RNF145: variants seen among roughly 807,000 people sequenced by gnomAD.
RNF145 encodes ring finger protein 145.
In RNF145, 12 loss-of-function variants were observed where a neutral mutation model predicts 57.3. That is an observed-to-expected ratio of 0.21 (90% CI 0.13 to 0.34). The LOEUF is 0.34. Among genes scored for constraint, RNF145 ranks in the 10% least tolerant of loss-of-function variants. RNF145 has a pLI of 1.00. For synonymous variants in RNF145, 262 were observed against 288.3 expected (o/e 0.91, Z 0.92); for missense variants, 429 against 799.0 (o/e 0.54, Z 5.58).
At chr5:159,198,283 A>T (rs2113224079) in intron 2 of RNF145, among the ~76,000 whole-genome samples, 1 of 151,858 alleles carries the variant, frequency 6.6e-6, no homozygotes, top group African/African-American at 2.4e-5. Context: ...AAATAAAAGA[A>T]ATAATGACCT....
At chr5:159,200,911 A>G (rs1009500694) in intron 2 of RNF145, among the ~76,000 whole-genome samples, 1 of 152,250 alleles carries the variant, frequency 6.6e-6, no homozygotes, top group Non-Finnish European at 1.5e-5. Flanking sequence ...CATTGAGTTA[A>G]AAAAATCAAT....
At position 159,202,979 on chromosome 5, in the gene RNF145, T is replaced by C. The variant is rs117577559; in HGVS notation, c.184+455A>G. Among the ~76,000 whole-genome samples, 27 of 152,216 alleles carry C rather than the reference T, an allele frequency of 1.8e-4. No individual in the cohort carries two copies. The East Asian group carries it at 4.8e-3, about 27-fold the overall frequency. ...TTTTTTATGGAACAAAGTATTATAG[T>C]ATCATTTCCCAAATTTCATTTAACT... On this transcript the variant is annotated intron_variant, in intron 2 of 10. Coordinates refer to ENST00000424310, the MANE Select transcript of RNF145 (RefSeq NM_001199383.2).
intron 6 of RNF145, among the ~76,000 whole-genome samples, chr5:159,172,336 C>A (rs1181537578): frequency 6.6e-6 from 1 of 152,032 alleles, no homozygotes; most frequent in Non-Finnish European, 1.5e-5. Flanking sequence ...TAAAAATTAG[C>A]CAGGTGTGGT....
At chr5:159,173,178 G>T (rs1360359695) in intron 6 of RNF145, among the ~76,000 whole-genome samples, 2 of 152,144 alleles carry the variant, frequency 1.3e-5, no homozygotes, top group East Asian at 3.8e-4. Flanking sequence ...GCCCAGGACA[G>T]CTTTGAATGC....
intron 3 of RNF145, among the ~76,000 whole-genome samples, chr5:159,189,600 G>A (rs1785214037): frequency 6.6e-6 from 1 of 152,148 alleles, no homozygotes; most frequent in Admixed American, 6.5e-5. Flanking sequence ...CGAGGTATTT[G>A]TCCAAGGAAA....
chr5:159,193,171 T>TG (rs1270160006), intron 3 of RNF145, among the ~76,000 whole-genome samples: 2 of 152,204 alleles, frequency 1.3e-5, no homozygotes, highest in Non-Finnish European at 2.9e-5. Context: ...GACATACTTC[T>TG]GTCATGCAAA....
At chr5:159,201,680 G>A (rs1473780563) in intron 2 of RNF145, among the ~76,000 whole-genome samples, 1 of 152,018 alleles carries the variant, frequency 6.6e-6, no homozygotes, top group Non-Finnish European at 1.5e-5. Flanking sequence ...TCAAAACCAT[G>A]TATACCATGC....
chr5:159,196,206 T>C (rs963567866), intron 2 of RNF145, among the ~76,000 whole-genome samples: 12 of 149,312 alleles, frequency 8.0e-5, no homozygotes, highest in Admixed American at 6.1e-4. Flanking sequence ...CACAAATTCA[T>C]AAACTTTCTT....
At chr5:159,170,880 T>C (rs571199820) in intron 6 of RNF145, among the ~76,000 whole-genome samples, 1 of 152,354 alleles carries the variant, frequency 6.6e-6, no homozygotes, top group African/African-American at 2.4e-5. Context: ...CTTGAGCTAA[T>C]GCTCCCAGCC....
In RNF145 at chr5:159,181,962, A is replaced by T. The variant is rs777492711; in HGVS notation, c.383T>A (p.Ile128Lys). Residue 128 changes from isoleucine (I) to lysine (K), a missense_variant and splice_region_variant, in exon 4 of 11, where the codon ATA (isoleucine) becomes AAA (lysine). This residue lies in a region of RNF145 where 109 missense variants were observed against 207.2 expected (regional missense o/e 0.53). Coordinates refer to ENST00000424310, the MANE Select transcript of RNF145 (RefSeq NM_001199383.2). ...TTTAATTCTTTTATAATACTTACCT[A>T]TTAAGGCTGTGGTAAACCGATTCAT... Reference protein sequence around the residue: ...LSMNRFTTALIGQLVVCTLCS... With the variant: ...LSMNRFTTALKGQLVVCTLCS... The T allele has an allele frequency of 6.4e-7, 1 of 1,573,104 alleles. No homozygotes were observed. The highest frequency in any genetic ancestry group is 1.1e-5 in the South Asian group (1 of 90,124).
intron 2 of RNF145, among the ~76,000 whole-genome samples, chr5:159,196,343 T>C (rs1041448713): frequency 1.3e-5 from 2 of 152,132 alleles, no homozygotes; most frequent in Middle Eastern, 3.4e-3. Flanking sequence ...AGCCAAAAGA[T>C]TGGACACCCT....
intron 8 of RNF145, among the ~76,000 whole-genome samples, chr5:159,166,544 T>C (rs574121069): frequency 1.3e-5 from 2 of 152,326 alleles, no homozygotes; most frequent in African/African-American, 4.8e-5. Context: ...TTGTTTATAA[T>C]GCAAGATAGG....
intron 6 of RNF145, among the ~76,000 whole-genome samples, chr5:159,170,612 T>C (rs1433798101): frequency 6.6e-6 from 1 of 152,216 alleles, no homozygotes; most frequent in African/African-American, 2.4e-5. Context: ...GTATATTTAT[T>C]TGAGACAGGG....
Position 159,158,785 on chromosome 5 carries a change from G to A in RNF145, c.1877C>T (p.Ser626Phe). 1 of 1,613,918 alleles carries A rather than the reference G, an allele frequency of 6.2e-7. No individual in the cohort carries two copies. The highest frequency in any genetic ancestry group is 8.5e-7 in the Non-Finnish European group (1 of 1,179,862). Residue 626 changes from serine to phenylalanine, a missense_variant, in exon 11 of 11, where the codon TCC (serine) becomes TTC (phenylalanine). Around this residue, in one of 4 missense-constraint regions of RNF145, gnomAD observed 102 missense variants for 106.2 expected, o/e 0.96. Coordinates refer to ENST00000424310, the MANE Select transcript of RNF145 (RefSeq NM_001199383.2). Reference sequence around the variant, plus strand: ...GGCAATGTACTCATTATTGTCCCTGGAACCTTCCTGTATCCTGGTCCCTGG... The same window carrying A: ...GGCAATGTACTCATTATTGTCCCTGAAACCTTCCTGTATCCTGGTCCCTGG... Reference protein sequence around the residue: ...HTPGTRIQEGSRDNNEYIARR... With the variant: ...HTPGTRIQEGFRDNNEYIARR...
At chr5:159,199,775 C>A (rs143950881) in intron 2 of RNF145, among the ~76,000 whole-genome samples, 76 of 152,306 alleles carry the variant, frequency 5.0e-4, no homozygotes, top group African/African-American at 1.4e-3. Flanking sequence ...GGATTCTTCA[C>A]AAAAGCCCTA....
At position 159,191,601 on chromosome 5, in the gene RNF145, G is replaced by A. The variant is rs10065135; in HGVS notation, c.293+3115C>T. On this transcript the variant is annotated intron_variant, in intron 3 of 10. Coordinates refer to ENST00000424310, the MANE Select transcript of RNF145 (RefSeq NM_001199383.2). ...AGGTCAGGAGTTCAAGACCAGCCTG[G>A]CCAACATGGTAAAACCCCATCTCTA... is the stretch of plus-strand genomic sequence containing the variant. 9.6e-3 allele frequency among the ~76,000 whole-genome samples: 1,462 copies of A among 152,156 alleles called. 28 individuals carry two copies. The highest frequency in any genetic ancestry group is 0.033 in the African/African-American group (1,374 of 41,510).
intron 6 of RNF145, among the ~76,000 whole-genome samples, chr5:159,170,984 T>C (rs900896975): frequency 6.6e-6 from 1 of 152,214 alleles, no homozygotes; most frequent in Non-Finnish European, 1.5e-5. Context: ...TGCTTGTCCC[T>C]TACTATGCAG....
chr5:159,208,241 G>C (rs1785971982), intron 1 of RNF145: 2 of 996,110 alleles, frequency 2.0e-6, no homozygotes, highest in Non-Finnish European at 2.7e-6. Flanking sequence ...CCGCCGCCGC[G>C]GGGCTAAGAG....
At chr5:159,184,286 C>CT (rs1161454067) in intron 3 of RNF145, among the ~76,000 whole-genome samples, 2 of 152,168 alleles carry the variant, frequency 1.3e-5, no homozygotes, top group African/African-American at 4.8e-5. Flanking sequence ...TTTTTAAAAA[C>CT]TTTGTCTTTC....
Sources: gnomAD v4.1 joint callset for allele counts (sites outside exome capture counted in the v4.1 genomes callset) on GRCh38, gnomAD v4.1.1 for gene constraint, gnomAD v4.1.1 regional missense constraint, MANE v1.5 for transcripts, NCBI Gene and HGNC (gene_info 2026-07-23, HGNC 2026-07-21) for gene names.